CSPG5: variants seen among roughly 807,000 people sequenced by gnomAD.
The protein encoded by CSPG5 is chondroitin sulfate proteoglycan 5, also known as acidic leucine-rich EGF-like domain-containing brain protein.
CSPG5 carries 25 observed loss-of-function variants against 39.8 expected under a neutral mutation model. The ratio of observed to expected loss-of-function variants is 0.63; its 90% CI spans 0.46 to 0.88. CSPG5 has a LOEUF of 0.88. Among genes scored for constraint, CSPG5 ranks in the 40% least tolerant of loss-of-function variants. CSPG5 has a pLI of 0.00. For synonymous variants in CSPG5, 295 were observed against 303.9 expected (o/e 0.97, Z 0.31); for missense variants, 627 against 702.2 (o/e 0.89, Z 1.21).
chr3:47,568,708 T>G (rs2031403212), intron 4 of CSPG5, among the ~76,000 whole-genome samples: 1 of 152,096 alleles, frequency 6.6e-6, no homozygotes, highest in African/African-American at 2.4e-5. Flanking sequence ...CTAAAAATCA[T>G]GAGTAACCCT....
At chr3:47,566,889 C>CCA (rs1408871516) in intron 4 of CSPG5, among the ~76,000 whole-genome samples, 2 of 152,158 alleles carry the variant, frequency 1.3e-5, no homozygotes, top group Non-Finnish European at 2.9e-5. Flanking sequence ...CTGTGGCCAA[C>CCA]CACACACCGT....
At chr3:47,576,228 C>T (rs1025285294) in intron 2 of CSPG5, among the ~76,000 whole-genome samples, 1 of 152,058 alleles carries the variant, frequency 6.6e-6, no homozygotes, top group African/African-American at 2.4e-5. Flanking sequence ...TGAGCCACCA[C>T]GCCCGGCCTC....
intron 4 of CSPG5, among the ~76,000 whole-genome samples, chr3:47,564,874 T>C (rs1450519995): frequency 6.6e-6 from 1 of 152,150 alleles, no homozygotes; most frequent in Non-Finnish European, 1.5e-5. Flanking sequence ...ACTTCTGTAC[T>C]GTTTGGGGGA....
intron 2 of CSPG5, among the ~76,000 whole-genome samples, chr3:47,575,030 A>G (rs2031661135): frequency 6.6e-6 from 1 of 152,238 alleles, no homozygotes; most frequent in African/African-American, 2.4e-5. Flanking sequence ...TGCTTTCTAC[A>G]TGTTATTCTC....
At chr3:47,579,615 T>C (rs1344555981), upstream of CSPG5, 1 of 152,246 alleles carries the variant, frequency 6.6e-6, no homozygotes, top group African/African-American at 2.4e-5. This position sits in a 1 kb window ranked among gnomAD's most constrained non-coding sequence, Gnocchi z 4.2. Flanking sequence ...CGGCCTTTAA[T>C]CCTGGTCCCT....
In CSPG5 at chr3:47,578,680, C is replaced by G; in HGVS notation, c.14G>C (p.Gly5Ala). 1 of 1,048,820 alleles carries G rather than the reference C, an allele frequency of 9.5e-7. No individual in the cohort carries two copies. The allele number at this position is 1,048,820 out of a possible 1,614,324, so 65.0% of individuals were successfully genotyped here. A position where few individuals can be genotyped will look rare whatever the true frequency, so the allele number is the denominator to read the frequency against. Reference sequence around the variant, plus strand: ...CGGCCCCCGGCCCGGGCCCCCGCCCCCGGCTCGCCCCATGGCGCGGCGCCC... The same window carrying G: ...CGGCCCCCGGCCCGGGCCCCCGCCCGCGGCTCGCCCCATGGCGCGGCGCCC... Reference protein sequence around the residue: MGRAGGGGPGRGPPP... With the variant: MGRAAGGGPGRGPPP... Residue 5 changes from glycine (G) to alanine (A), a missense_variant, in exon 1 of 5, where the codon GGG becomes GCG. Physicochemically the swap from Gly to Ala is moderately conservative, Grantham distance 60. Coordinates refer to ENST00000264723, the MANE Select transcript of CSPG5 (RefSeq NM_006574.4). This position sits in a 1 kb window ranked among gnomAD's most constrained non-coding sequence, Gnocchi z 6.0.
In CSPG5 at chr3:47,578,149, G is replaced by A. The variant is rs1306746783; in HGVS notation, c.98-221C>T. 2.9e-6 allele frequency: 2 copies of A among 699,896 alleles called. No individual in the cohort carries two copies. The highest frequency in any genetic ancestry group is 1.9e-5 in the African/African-American group (1 of 53,034). 43.4% of individuals were successfully genotyped at this position (699,896 alleles called of 1,614,324 possible). On this transcript the variant is annotated intron_variant, in intron 1 of 4. Coordinates refer to ENST00000264723, the MANE Select transcript of CSPG5 (RefSeq NM_006574.4). The surrounding 1 kb of genome is among the most constrained non-coding windows in gnomAD (Gnocchi z 6.0). ...AGGATCACACCCCGCCCAACGCCTC[G>A]CGGCTCGGCCCCGCCCGACCTGCCC...
intron 4 of CSPG5, among the ~76,000 whole-genome samples, chr3:47,564,561 T>G (rs1293745983): frequency 6.6e-6 from 1 of 152,300 alleles, no homozygotes; most frequent in East Asian, 1.9e-4. Context: ...CATAGAGTAC[T>G]GAGGCAGATG....
intron 2 of CSPG5, among the ~76,000 whole-genome samples, chr3:47,573,311 G>A (rs534907747): frequency 2.7e-4 from 41 of 152,276 alleles, no homozygotes; most frequent in African/African-American, 9.4e-4. Context: ...AAAGTCCCAG[G>A]ACCTGCCCTG....
At chr3:47,571,595 G>A (rs1439203632) in intron 3 of CSPG5, among the ~76,000 whole-genome samples, 1 of 152,238 alleles carries the variant, frequency 6.6e-6, no homozygotes, top group Non-Finnish European at 1.5e-5. Flanking sequence ...CCAGCCCCGC[G>A]GCGGTTAGCT....
intron 2 of CSPG5, 138 bp downstream of exon 2, chr3:47,576,695 G>A (rs1259626810): frequency 1.1e-4 from 107 of 969,724 alleles, no homozygotes; most frequent in Middle Eastern, 2.6e-4. Flanking sequence ...CCTGACCTTA[G>A]GAGATCCGCC....
chr3:47,567,014 A>T (rs192885276), intron 4 of CSPG5, among the ~76,000 whole-genome samples: 2 of 152,326 alleles, frequency 1.3e-5, no homozygotes, highest in African/African-American at 4.8e-5. Context: ...CTCACTTTCC[A>T]CAAAGCTGGA....
rs1158098262 is a variant in CSPG5 at position 47,562,553 on chromosome 3, C to T, written c.*47G>A. On this transcript the variant is annotated 3_prime_UTR_variant, in exon 5 of 5. Coordinates refer to ENST00000264723, the MANE Select transcript of CSPG5 (RefSeq NM_006574.4). ...GTACAAGAGGAGATAATGTTTCTTC[C>T]CCTACCCCCCACCCACTACCCCCGC... 3.3e-6 allele frequency: 5 copies of T among 1,520,260 alleles called. No individual in the cohort carries two copies. The highest frequency in any genetic ancestry group is 4.5e-6 in the Non-Finnish European group (5 of 1,104,694). The allele number at this position is 1,520,260 out of a possible 1,614,324, so 94.2% of individuals were successfully genotyped here.
intron 2 of CSPG5, among the ~76,000 whole-genome samples, chr3:47,575,848 C>A (rs1309170647): frequency 6.6e-6 from 1 of 151,892 alleles, no homozygotes; most frequent in African/African-American, 2.4e-5. Context: ...CCCCTCTCAC[C>A]AGTACCACCA....
Position 47,578,198 on chromosome 3 carries a change from G to A in CSPG5, c.98-270C>T. 1 of 438,422 alleles carries A rather than the reference G, an allele frequency of 2.3e-6. No individual in the cohort carries two copies. Among genetic ancestry groups the A allele is most frequent in the East Asian group, 4.0e-5 (1 of 25,112 alleles). The allele number at this position is 438,422 out of a possible 1,614,324, so 27.2% of individuals were successfully genotyped here. On this transcript the variant is annotated intron_variant, in intron 1 of 4. Transcript: ENST00000264723. The surrounding 1 kb of genome is among the most constrained non-coding windows in gnomAD (Gnocchi z 6.0). ...CCCGCCGTCTGAAGAGCCAGGCCAG[G>A]GCGGCCCCCAGCTCGGCCCACCCAT...
At chr3:47,562,847 A>G in intron 4 of CSPG5, 86 bp from the exon 5 acceptor site, 1 of 1,349,070 alleles carries the variant, frequency 7.4e-7, no homozygotes, top group South Asian at 1.5e-5. Flanking sequence ...TGGTTGAAGG[A>G]AGCATCACTG....
upstream of CSPG5, chr3:47,579,464 T>C (rs1223301464): frequency 6.6e-6 from 1 of 152,238 alleles, no homozygotes; most frequent in Non-Finnish European, 1.5e-5. This position sits in a 1 kb window ranked among gnomAD's most constrained non-coding sequence, Gnocchi z 4.2. Context: ...GGATCAGATC[T>C]AATCCGTTCG....
intron 3 of CSPG5, among the ~76,000 whole-genome samples, chr3:47,569,776 C>T (rs1206461717): frequency 1.4e-4 from 20 of 140,434 alleles, no homozygotes; most frequent in African/African-American, 4.2e-4. Context: ...GAGACAGGGT[C>T]TCACTCTGTT....
rs532324927 is a variant in CSPG5 at position 47,572,301 on chromosome 3, C to T, written c.1382+385G>A. On this transcript the variant is annotated intron_variant, in intron 3 of 4. Coordinates refer to ENST00000264723, the MANE Select transcript of CSPG5 (RefSeq NM_006574.4). The surrounding 1 kb of genome is among the most constrained non-coding windows in gnomAD (Gnocchi z 4.5). ...ATTATGAATGAAATCTCGCACTGGC[C>T]GCTGGCTGTCACAGTCCAGGGAAGA... is the stretch of plus-strand genomic sequence containing the variant. Among the ~76,000 whole-genome samples the T allele has an allele frequency of 2.6e-5, 4 of 152,290 alleles. No homozygotes were observed. The highest frequency in any genetic ancestry group is 2.0e-4 in the Admixed American group (3 of 15,296).
Sources: allele counts gnomAD v4.1 joint callset (sites outside exome capture counted in the v4.1 genomes callset), GRCh38; gene constraint gnomAD v4.1.1; non-coding constraint Gnocchi (gnomAD v3.1); transcripts MANE v1.5; gene names NCBI Gene and HGNC (gene_info 2026-07-23, HGNC 2026-07-21).